Variants in TYW1B observed in about 807,000 individuals in gnomAD.
The protein encoded by TYW1B is tRNA-yW synthesizing protein 1 homolog B, also known as S-adenosyl-L-methionine-dependent tRNA 4-demethylwyosine synthase TYW1B.
TYW1B carries 73 observed loss-of-function variants against 86.9 expected under a neutral mutation model. The observed-to-expected ratio is 0.84, with a 90% CI of 0.70 to 1.02. TYW1B has a LOEUF of 1.02. Among genes scored for constraint, TYW1B ranks in the 50% least tolerant of loss-of-function variants. The pLI is 0.00. For missense variants in TYW1B, 637 were observed against 827.4 expected (o/e 0.77, Z 2.82); for synonymous variants, 248 against 292.8 (o/e 0.85, Z 1.56).
chr7:72,798,125 C>T (rs555447683), intron 6 of TYW1B, among the ~76,000 whole-genome samples: 25 of 152,152 alleles, frequency 1.6e-4, no homozygotes, highest in African/African-American at 5.5e-4. Flanking sequence ...CTCAGCCGGC[C>T]GGGCGCGGTG....
intron 2 of TYW1B, among the ~76,000 whole-genome samples, chr7:72,817,957 T>C (rs1272182795): frequency 6.6e-6 from 1 of 151,860 alleles, no homozygotes; most frequent in Non-Finnish European, 1.5e-5. Context: ...TCAGTTTAAT[T>C]CAAGGAAGTC....
chr7:72,703,275 C>T (rs1189881727), intron 10 of TYW1B, among the ~76,000 whole-genome samples: 14 of 151,332 alleles, frequency 9.3e-5, no homozygotes, highest in Non-Finnish European at 1.8e-4. Context: ...CTGCCCGCCT[C>T]GGCCTCCCAA....
chr7:72,649,860 A>C (rs1377559507), intron 11 of TYW1B, among the ~76,000 whole-genome samples: 1 of 152,142 alleles, frequency 6.6e-6, no homozygotes, highest in Non-Finnish European at 1.5e-5. Flanking sequence ...TTAATCATTC[A>C]AATGCAAAAA....
At chr7:72,809,081 C>T (rs1554477405) in intron 4 of TYW1B, among the ~76,000 whole-genome samples, 3 of 144,108 alleles carry the variant, frequency 2.1e-5, no homozygotes, top group Non-Finnish European at 4.5e-5. Flanking sequence ...CTCACTCTGT[C>T]GCCCAGGCTA....
rs782463490 is a variant in TYW1B at position 72,777,448 on chromosome 7, G to A, written c.932C>T (p.Thr311Ile). 4.3e-6 allele frequency: 7 copies of A among 1,613,954 alleles called. No individual in the cohort carries two copies. In the South Asian group the frequency reaches 7.7e-5, roughly 18 times the overall value. Residue 311 changes from threonine (T) to isoleucine (I), a missense_variant, in exon 7 of 14, where the codon ACT becomes ATT. Physicochemically the swap from Thr to Ile is moderately conservative, Grantham distance 89. Transcript: ENST00000620995. ...AGTAAGGGCTTCTCGGAGAGCAGGA[G>A]TTATCATAGCTCTTCTTTCACCATC... is the stretch of plus-strand genomic sequence containing the variant. ...NEDGERRAMI[T>I]PALREALTKQ... is the part of the protein sequence containing the mutation.
At chr7:72,667,773 C>T (rs1428134004) in intron 11 of TYW1B, among the ~76,000 whole-genome samples, 1 of 152,120 alleles carries the variant, frequency 6.6e-6, no homozygotes, top group Non-Finnish European at 1.5e-5. Flanking sequence ...AAAGAGGTGA[C>T]CTGTAGGGTA....
intron 5 of TYW1B, among the ~76,000 whole-genome samples, chr7:72,803,802 G>T (rs1314338413): frequency 6.6e-6 from 1 of 151,520 alleles, no homozygotes. Flanking sequence ...TTAGTAGAGA[G>T]AGGGTTTCAC....
At chr7:72,819,631 C>A (rs1788791263) in intron 2 of TYW1B, among the ~76,000 whole-genome samples, 1 of 152,096 alleles carries the variant, frequency 6.6e-6, no homozygotes, top group Non-Finnish European at 1.5e-5. Flanking sequence ...TAGAGTTTTG[C>A]CGTGTTGCAC....
chr7:72,816,916 G>C (rs1353448509), intron 2 of TYW1B, among the ~76,000 whole-genome samples: 1 of 152,016 alleles, frequency 6.6e-6, no homozygotes, highest in African/African-American at 2.4e-5. Context: ...TTCCTGAGTT[G>C]CATCCTTTAT....
intron 9 of TYW1B, among the ~76,000 whole-genome samples, chr7:72,728,113 T>C (rs1276995785): frequency 6.6e-6 from 1 of 152,098 alleles, no homozygotes; most frequent in East Asian, 1.9e-4. Flanking sequence ...AAGGAATTCA[T>C]TCAAAACCGT....
At chr7:72,785,379 T>C (rs1443609599) in intron 6 of TYW1B, among the ~76,000 whole-genome samples, 3 of 147,772 alleles carry the variant, frequency 2.0e-5, no homozygotes, top group Non-Finnish European at 4.5e-5. Flanking sequence ...AAATTAAAGT[T>C]ATATTCTAAT....
intron 13 of TYW1B, among the ~76,000 whole-genome samples, chr7:72,606,347 G>A (rs1811798059): frequency 6.6e-6 from 1 of 152,102 alleles, no homozygotes; most frequent in South Asian, 2.1e-4. Context: ...CACTGAGTGG[G>A]GAACCTAGAC....
chr7:72,582,648 A>T (rs1811182744), intron 13 of TYW1B, among the ~76,000 whole-genome samples: 1 of 152,222 alleles, frequency 6.6e-6, no homozygotes. Flanking sequence ...TGGTGATCTC[A>T]GGATAACAGC....
At chr7:72,818,900 G>T (rs782225376) in intron 2 of TYW1B, among the ~76,000 whole-genome samples, 1 of 152,126 alleles carries the variant, frequency 6.6e-6, no homozygotes, top group African/African-American at 2.4e-5. Context: ...CTGCCCTCAA[G>T]ATCTAAGCAC....
Position 72,575,299 on chromosome 7 carries a change from G to A in TYW1B, c.*199C>T. On this transcript the variant is annotated 3_prime_UTR_variant, in exon 14 of 14. Coordinates refer to ENST00000620995, the MANE Select transcript of TYW1B (RefSeq NM_001145440.3). ...AAAATCAGGAAAGGGGCTGAGTTCT[G>A]AAAAGAAACATCGGGGCTGTGGCCC... 3 of 1,411,760 alleles carry A rather than the reference G, an allele frequency of 2.1e-6. No individual in the cohort carries two copies. In the South Asian group the frequency reaches 5.0e-5, roughly 23 times the overall value. The allele number at this position is 1,411,760 out of a possible 1,614,324, so 87.5% of individuals were successfully genotyped here. A position where few individuals can be genotyped will look rare whatever the true frequency, so the allele number is the denominator to read the frequency against.
rs918806000 is a variant in TYW1B at position 72,758,986 on chromosome 7, T to C, written c.965-14385A>G. ...TTCCCATGCTTCTTTCGGAAAACTT[T>C]CTGAGACCAAAATAAATGTTCTGGA... On this transcript the variant is annotated intron_variant, in intron 7 of 13. Transcript: ENST00000620995. Among the ~76,000 whole-genome samples, 7 of 152,300 alleles carry C rather than the reference T, an allele frequency of 4.6e-5. No homozygotes were observed. In the East Asian group the frequency reaches 5.8e-4, roughly 13 times the overall value.
intron 7 of TYW1B, among the ~76,000 whole-genome samples, chr7:72,762,268 T>C (rs2129571718): frequency 6.6e-6 from 1 of 152,316 alleles, no homozygotes. Flanking sequence ...GGAAAAGTTC[T>C]TTCTTTTTGA....
intron 7 of TYW1B, among the ~76,000 whole-genome samples, chr7:72,769,807 C>T (rs1249192960): frequency 6.6e-6 from 1 of 152,242 alleles, no homozygotes; most frequent in Non-Finnish European, 1.5e-5. Flanking sequence ...CATGGTGGCT[C>T]ACGCCTATAA....
At chr7:72,769,859 G>A (rs1335304285) in intron 7 of TYW1B, among the ~76,000 whole-genome samples, 2 of 151,894 alleles carry the variant, frequency 1.3e-5, no homozygotes, top group African/African-American at 4.8e-5. Flanking sequence ...ATCACTTGAG[G>A]TCAGGAGTTT....
Sources: allele counts gnomAD v4.1 joint callset (sites outside exome capture counted in the v4.1 genomes callset), GRCh38; gene constraint gnomAD v4.1.1; transcripts MANE v1.5; gene names NCBI Gene and HGNC (gene_info 2026-07-23, HGNC 2026-07-21).